The following LINGO2 variants were observed in gnomAD, a reference collection of about 807,000 sequenced individuals.
LINGO2 encodes leucine-rich repeat and immunoglobulin-like domain-containing nogo receptor-interacting protein 2.
Under a neutral mutation model 30.6 loss-of-function variants are expected in LINGO2, and 14 were observed. The ratio of observed to expected loss-of-function variants is 0.46; its 90% CI spans 0.30 to 0.72. The LOEUF is 0.72. LINGO2 is among the 30% of genes least tolerant of loss of function. LINGO2 has a pLI of 0.07. For synonymous variants in LINGO2, 317 were observed against 288.5 expected (o/e 1.10, Z -1.00); for missense variants, 729 against 751.7 (o/e 0.97, Z 0.35).
chr9:28,442,338 C>A (rs2135023394), intron 2 of LINGO2, among the ~76,000 whole-genome samples: 1 of 151,890 alleles, frequency 6.6e-6, no homozygotes, highest in South Asian at 2.1e-4. Context: ...TTGTATACTT[C>A]TCTGATTGTT....
the LINGO2 span, among the ~76,000 whole-genome samples, chr9:28,935,989 T>G: frequency 3.4e-4 from 52 of 152,108 alleles, no homozygotes; most frequent in Non-Finnish European, 5.3e-4. Context: ...AAAATGAGTA[T>G]TTTGTTCTAC....
intron 2 of LINGO2, among the ~76,000 whole-genome samples, chr9:28,414,323 G>T (rs1222142976): frequency 6.6e-6 from 1 of 151,840 alleles, no homozygotes; most frequent in Non-Finnish European, 1.5e-5. Flanking sequence ...CATACACAAG[G>T]CTATTGATGA....
At chr9:28,631,445 A>G (rs1826934745) in intron 1 of LINGO2, among the ~76,000 whole-genome samples, 2 of 152,036 alleles carry the variant, frequency 1.3e-5, no homozygotes, top group Admixed American at 1.3e-4. Flanking sequence ...AAAGGGATCC[A>G]GTTTCAGCTT....
At chr9:28,097,692 G>A (rs1363463450) in intron 4 of LINGO2, among the ~76,000 whole-genome samples, 4 of 116,876 alleles carry the variant, frequency 3.4e-5, no homozygotes, top group African/African-American at 6.5e-5. Flanking sequence ...TGGTGGGGTC[G>A]GGGGAGGGGG....
chr9:28,870,030 A>G, the LINGO2 span, among the ~76,000 whole-genome samples: 1 of 152,006 alleles, frequency 6.6e-6, no homozygotes, highest in Non-Finnish European at 1.5e-5. Context: ...TCAGAAAAAA[A>G]AAACCCATAA....
At chr9:28,446,635 A>C (rs1248612063) in intron 2 of LINGO2, among the ~76,000 whole-genome samples, 1 of 152,170 alleles carries the variant, frequency 6.6e-6, no homozygotes. Context: ...GCTCCAAAGC[A>C]CTGTTATTTT....
intron 1 of LINGO2, among the ~76,000 whole-genome samples, chr9:28,611,073 T>A (rs1018242274): frequency 6.6e-6 from 1 of 152,122 alleles, no homozygotes; most frequent in East Asian, 1.9e-4. Flanking sequence ...GACATAACAG[T>A]AGTAAACTCA....
the LINGO2 span, among the ~76,000 whole-genome samples, chr9:28,763,808 A>G: frequency 6.6e-6 from 1 of 151,544 alleles, no homozygotes; most frequent in Non-Finnish European, 1.5e-5. Context: ...GAGAGAGAGG[A>G]TACAAATAAA....
At chr9:27,956,920 T>A (rs7031153) in intron 5 of LINGO2, among the ~76,000 whole-genome samples, 2 of 151,708 alleles carry the variant, frequency 1.3e-5, no homozygotes, top group Non-Finnish European at 2.9e-5. Context: ...GAGCAAGATC[T>A]CATATCTACA....
At chr9:27,970,966 C>T (rs1307852943) in intron 5 of LINGO2, among the ~76,000 whole-genome samples, 2 of 150,178 alleles carry the variant, frequency 1.3e-5, no homozygotes, top group African/African-American at 2.5e-5. Context: ...GCATGAGTTT[C>T]CCAATGTCAA....
chr9:29,015,873 T>C, the LINGO2 span, among the ~76,000 whole-genome samples: 1 of 152,148 alleles, frequency 6.6e-6, no homozygotes, highest in African/African-American at 2.4e-5. Context: ...GAATCTTTTA[T>C]TTGCTTTGAT....
At chr9:28,214,551 T>C (rs1202466579) in intron 4 of LINGO2, among the ~76,000 whole-genome samples, 1 of 151,588 alleles carries the variant, frequency 6.6e-6, no homozygotes, top group East Asian at 1.9e-4. Flanking sequence ...ACAAAGATGG[T>C]ACTATAGGTC....
chr9:28,975,675 C>G, the LINGO2 span, among the ~76,000 whole-genome samples: 1 of 152,090 alleles, frequency 6.6e-6, no homozygotes, highest in Non-Finnish European at 1.5e-5. Flanking sequence ...GGCTCTAATA[C>G]CTTTTCATCA....
At chr9:28,316,202 A>G (rs1215156749) in intron 3 of LINGO2, among the ~76,000 whole-genome samples, 3 of 152,048 alleles carry the variant, frequency 2.0e-5, no homozygotes, top group African/African-American at 7.2e-5. Context: ...ATATATTATT[A>G]CATGTATATA....
chr9:28,225,959 C>T (rs1412179509), intron 4 of LINGO2, among the ~76,000 whole-genome samples: 2 of 152,152 alleles, frequency 1.3e-5, no homozygotes, highest in Non-Finnish European at 2.9e-5. Flanking sequence ...GTATGGCAAT[C>T]ATTGTCACTC....
intron 2 of LINGO2, among the ~76,000 whole-genome samples, chr9:28,388,895 T>TC (rs1438618056): frequency 6.7e-6 from 1 of 149,890 alleles, no homozygotes. Context: ...TCTTTCTCTC[T>TC]TTCTCTCTCT....
At chr9:28,838,871 G>A in the LINGO2 span, among the ~76,000 whole-genome samples, 1 of 152,218 alleles carries the variant, frequency 6.6e-6, no homozygotes, top group Non-Finnish European at 1.5e-5. Flanking sequence ...AGGTGTGCAT[G>A]AGTGAGCAAG....
At chr9:28,790,237 T>C in the LINGO2 span, among the ~76,000 whole-genome samples, 1 of 152,042 alleles carries the variant, frequency 6.6e-6, no homozygotes, top group Non-Finnish European at 1.5e-5. Context: ...ACCTGACTTA[T>C]CATTACGAGG....
At chr9:28,803,922 AT>A in the LINGO2 span, among the ~76,000 whole-genome samples, 1 of 151,942 alleles carries the variant, frequency 6.6e-6, no homozygotes, top group Non-Finnish European at 1.5e-5. Context: ...TCTGTTCTCC[AT>A]TTTTTCTTCA....
Sources: allele counts gnomAD v4.1 joint callset (sites outside exome capture counted in the v4.1 genomes callset), GRCh38; gene constraint gnomAD v4.1.1; transcripts MANE v1.5; gene names NCBI Gene and HGNC (gene_info 2026-07-23, HGNC 2026-07-21).